CLYBL: variants seen among roughly 807,000 people sequenced by gnomAD.
CLYBL encodes citramalyl-CoA lyase, also known as citramalyl-CoA lyase, mitochondrial.
Under a neutral mutation model 38.9 loss-of-function variants are expected in CLYBL, and 31 were observed. The ratio of observed to expected loss-of-function variants is 0.80; its 90% CI spans 0.60 to 1.08. The LOEUF (loss-of-function observed/expected upper bound fraction) is 1.08. Among genes scored for constraint, CLYBL ranks in the 50% least tolerant of loss-of-function variants. The pLI is 0.00. For missense variants in CLYBL, 434 were observed against 411.6 expected (o/e 1.05, Z -0.47); for synonymous variants, 171 against 158.6 (o/e 1.08, Z -0.59).
intron 1 of CLYBL, among the ~76,000 whole-genome samples, chr13:99,704,414 A>G (rs1008181991): frequency 2.6e-5 from 4 of 152,252 alleles, no homozygotes; most frequent in African/African-American, 9.6e-5. Context: ...CTAGTTCTGC[A>G]TTATAAAATA....
chr13:99,736,302 G>T (rs2048667203), intron 1 of CLYBL, among the ~76,000 whole-genome samples: 1 of 151,598 alleles, frequency 6.6e-6, no homozygotes, highest in African/African-American at 2.4e-5. Context: ...GCCTCCCAAA[G>T]TGTGGGGATT....
At chr13:99,730,019 C>T (rs1566304595) in intron 1 of CLYBL, among the ~76,000 whole-genome samples, 1 of 141,204 alleles carries the variant, frequency 7.1e-6, no homozygotes, top group South Asian at 2.3e-4. Context: ...CCCCTACCAC[C>T]GTTGGTCCCA....
intron 1 of CLYBL, among the ~76,000 whole-genome samples, chr13:99,617,667 C>T (rs2046734037): frequency 6.6e-6 from 1 of 152,098 alleles, no homozygotes; most frequent in South Asian, 2.1e-4. Context: ...TTTTTCTGTT[C>T]ATTTTAAGGC....
At chr13:99,893,999 G>A (rs1158750554), downstream of CLYBL, 1 of 152,032 alleles carries the variant, frequency 6.6e-6, no homozygotes, top group Non-Finnish European at 1.5e-5. Flanking sequence ...ATTAGGGTAG[G>A]ATCATGAGAC....
chr13:99,891,748 G>A (rs1004832330), intron 8 of CLYBL: 5 of 211,176 alleles, frequency 2.4e-5, no homozygotes, highest in Non-Finnish European at 4.7e-5. Flanking sequence ...TTCCCAAATA[G>A]ACATATTCCC....
chr13:99,809,576 C>G (rs965713345), intron 2 of CLYBL, among the ~76,000 whole-genome samples: 5 of 152,260 alleles, frequency 3.3e-5, no homozygotes, highest in African/African-American at 1.2e-4. Flanking sequence ...TGGCACCTTT[C>G]CCCTCATGGG....
At chr13:99,639,046 C>G (rs954114505) in intron 1 of CLYBL, among the ~76,000 whole-genome samples, 15 of 152,146 alleles carry the variant, frequency 9.9e-5, no homozygotes, top group African/African-American at 2.7e-4. Context: ...AATTTTAGGT[C>G]TGAGTCAACT....
intron 1 of CLYBL, among the ~76,000 whole-genome samples, chr13:99,752,643 C>G (rs1252820371): frequency 6.6e-6 from 1 of 152,110 alleles, no homozygotes; most frequent in Non-Finnish European, 1.5e-5. Context: ...TGTCCCTGCG[C>G]TGCTGTCTTC....
chr13:99,776,924 G>C (rs2049530095), intron 2 of CLYBL, among the ~76,000 whole-genome samples: 1 of 151,772 alleles, frequency 6.6e-6, no homozygotes, highest in Non-Finnish European at 1.5e-5. Flanking sequence ...TGCCCAGGCT[G>C]GAGTGCAGTG....
At chr13:99,875,277 T>C (rs947096483) in intron 7 of CLYBL, among the ~76,000 whole-genome samples, 1 of 152,158 alleles carries the variant, frequency 6.6e-6, no homozygotes, top group Admixed American at 6.5e-5. Context: ...AGCTGATAAG[T>C]TCACATTAGT....
intron 2 of CLYBL, among the ~76,000 whole-genome samples, chr13:99,835,171 G>C (rs1409720589): frequency 6.6e-6 from 1 of 152,216 alleles, no homozygotes; most frequent in Non-Finnish European, 1.5e-5. Context: ...ATGAGCGGCT[G>C]ATTCATCTCT....
chr13:99,644,000 G>T (rs1395201682), intron 1 of CLYBL, among the ~76,000 whole-genome samples: 2 of 77,210 alleles, frequency 2.6e-5, no homozygotes, highest in African/African-American at 6.9e-5. Flanking sequence ...ACAAGACTCT[G>T]TCTCAAAAAA....
chr13:99,623,297 T>G (rs1411559396), intron 1 of CLYBL, among the ~76,000 whole-genome samples: 1 of 152,266 alleles, frequency 6.6e-6, no homozygotes, highest in Non-Finnish European at 1.5e-5. Context: ...GCAGCCATCC[T>G]AGTAGATGTG....
intron 1 of CLYBL, among the ~76,000 whole-genome samples, chr13:99,698,507 G>C (rs1195589247): frequency 6.6e-6 from 1 of 152,122 alleles, no homozygotes; most frequent in Non-Finnish European, 1.5e-5. Context: ...GTCATTTGAC[G>C]TGACAGAAAT....
At chr13:99,798,467 A>G (rs2050066542) in intron 2 of CLYBL, among the ~76,000 whole-genome samples, 1 of 152,110 alleles carries the variant, frequency 6.6e-6, no homozygotes, top group Non-Finnish European at 1.5e-5. Flanking sequence ...ATTTATTCTA[A>G]CCTAATTAGA....
chr13:99,615,065 C>T (rs889192993), intron 1 of CLYBL, among the ~76,000 whole-genome samples: 1 of 152,196 alleles, frequency 6.6e-6, no homozygotes, highest in African/African-American at 2.4e-5. Context: ...TCTCAGGAGG[C>T]ACACCTGAAG....
chr13:99,648,719 A>C (rs1335330427), intron 1 of CLYBL, among the ~76,000 whole-genome samples: 1 of 152,154 alleles, frequency 6.6e-6, no homozygotes, highest in African/African-American at 2.4e-5. Context: ...AATTAATTCA[A>C]TAAGAAAATG....
chr13:99,783,295 G>A (rs1311972183), intron 2 of CLYBL, among the ~76,000 whole-genome samples: 24 of 151,770 alleles, frequency 1.6e-4, no homozygotes, highest in Admixed American at 1.4e-3. Flanking sequence ...CACTTGCCTC[G>A]GCCTCCCAAA....
At chr13:99,721,487 T>A (rs755979301) in intron 1 of CLYBL, among the ~76,000 whole-genome samples, 20 of 150,752 alleles carry the variant, frequency 1.3e-4, no homozygotes, top group African/African-American at 1.7e-4. Context: ...ATATATATAT[T>A]TTTATTACAC....
Sources: gnomAD v4.1 joint callset for allele counts (sites outside exome capture counted in the v4.1 genomes callset) on GRCh38, gnomAD v4.1.1 for gene constraint, MANE v1.5 for transcripts, NCBI Gene and HGNC (gene_info 2026-07-23, HGNC 2026-07-21) for gene names.